The following OTUD7B variants were observed in gnomAD, a reference collection of about 807,000 sequenced individuals.
OTUD7B encodes OTU deubiquitinase 7B, also known as OTU domain-containing protein 7B.
In OTUD7B, 34 loss-of-function variants were observed where a neutral mutation model predicts 82.2. The ratio of observed to expected loss-of-function variants is 0.41; its 90% CI spans 0.31 to 0.55. The LOEUF is 0.55. OTUD7B is among the 20% of genes least tolerant of loss of function. The pLI, the probability that OTUD7B is intolerant of heterozygous loss-of-function variation, is 0.20. For missense variants in OTUD7B, 944 were observed against 1,062.1 expected (o/e 0.89, Z 1.55); for synonymous variants, 398 against 402.7 (o/e 0.99, Z 0.14).
the OTUD7B span, among the ~76,000 whole-genome samples, chr1:150,059,876 G>C: frequency 2.0e-5 from 3 of 152,082 alleles, no homozygotes; most frequent in Non-Finnish European, 4.4e-5. Context: ...AAAATATTCA[G>C]CTAAAAGTTG....
chr1:149,973,938 A>G (rs879996560), intron 2 of OTUD7B, among the ~76,000 whole-genome samples: 2 of 150,366 alleles, frequency 1.3e-5, no homozygotes, highest in African/African-American at 2.5e-5. Context: ...GCTCACTGCA[A>G]TCTCCACCTC....
the OTUD7B span, chr1:150,054,995 C>T: frequency 6.8e-6 from 2 of 293,036 alleles, no homozygotes; most frequent in African/African-American, 2.3e-5. Context: ...TCTGTGTTTG[C>T]CCCGACAAAT....
intron 1 of OTUD7B, among the ~76,000 whole-genome samples, chr1:149,987,998 C>A (rs182653192): frequency 2.0e-4 from 31 of 152,276 alleles, no homozygotes; most frequent in Admixed American, 1.7e-3. Context: ...CCACCTGTAC[C>A]TCTTACTACT....
intron 1 of OTUD7B, among the ~76,000 whole-genome samples, chr1:149,988,542 C>T (rs868943382): frequency 2.0e-5 from 3 of 152,116 alleles, no homozygotes; most frequent in East Asian, 3.9e-4. Context: ...CCTTAAATTA[C>T]AGTTATTTGG....
the OTUD7B span, among the ~76,000 whole-genome samples, chr1:150,019,174 C>T: frequency 3.3e-5 from 5 of 152,106 alleles, no homozygotes; most frequent in African/African-American, 1.2e-4. Context: ...ATATCTATTC[C>T]TTTCTCAATT....
At chr1:150,050,988 G>T in the OTUD7B span, among the ~76,000 whole-genome samples, 1 of 151,560 alleles carries the variant, frequency 6.6e-6, no homozygotes, top group Non-Finnish European at 1.5e-5. Context: ...CAGCACTTTG[G>T]GAGGCCAAGG....
At chr1:150,062,758 GC>G in the OTUD7B span, among the ~76,000 whole-genome samples, 1 of 135,286 alleles carries the variant, frequency 7.4e-6, no homozygotes, top group Non-Finnish European at 1.5e-5. Context: ...TGTTGCCCAG[GC>G]TGGACTGCAA....
chr1:149,995,718 C>T (rs782105493), intron 1 of OTUD7B, among the ~76,000 whole-genome samples: 1 of 152,178 alleles, frequency 6.6e-6, no homozygotes, highest in South Asian at 2.1e-4. Flanking sequence ...ATGCTTTCTA[C>T]GAGATAATGC....
chr1:150,008,532 T>C (rs1173552710), intron 1 of OTUD7B, among the ~76,000 whole-genome samples: 1 of 152,206 alleles, frequency 6.6e-6, no homozygotes, highest in East Asian at 1.9e-4. Context: ...AGTCAGTAGA[T>C]AGCCAGCTCT....
chr1:150,022,395 A>C, the OTUD7B span, among the ~76,000 whole-genome samples: 1,875 of 1,996 alleles, frequency 0.94, 930 homozygotes, highest in Middle Eastern at 1. Context: ...GAAACTCTCT[A>C]CAAAAAAAAA....
Position 149,975,900 on chromosome 1 carries a change from A to G in OTUD7B, c.85+1526T>C, listed in dbSNP as rs145234728. ...GCCGGGCATGGTGGCGCGCGTCTGT[A>G]GTCCCAGCTACTGGGGAGGCTGAGG... On this transcript the variant is annotated intron_variant, in intron 2 of 11. Coordinates refer to ENST00000581312, the MANE Select transcript of OTUD7B (RefSeq NM_020205.4). Among the ~76,000 whole-genome samples the G allele has an allele frequency of 9.2e-3, 1,399 of 152,134 alleles. 23 individuals are homozygous for G. The highest frequency in any genetic ancestry group is 0.032 in the African/African-American group (1,341 of 41,484).
At chr1:149,998,592 C>A (rs1335787456) in intron 1 of OTUD7B, among the ~76,000 whole-genome samples, 2 of 152,238 alleles carry the variant, frequency 1.3e-5, no homozygotes, top group East Asian at 1.9e-4. Flanking sequence ...TTTTCCCTAT[C>A]TATTCCCTTT....
chr1:149,996,382 A>AT (rs1559863096), intron 1 of OTUD7B, among the ~76,000 whole-genome samples: 101 of 656 alleles, frequency 0.15, no homozygotes, highest in Non-Finnish European at 0.27. Context: ...AACAACAACA[A>AT]CAAAAAAAAC....
At chr1:150,022,100 G>A in the OTUD7B span, among the ~76,000 whole-genome samples, 1 of 152,048 alleles carries the variant, frequency 6.6e-6, no homozygotes, top group Admixed American at 6.6e-5. Flanking sequence ...GTCAAATACT[G>A]TAAAATCTCA....
chr1:149,960,384 C>A (rs1553775407), intron 6 of OTUD7B, among the ~76,000 whole-genome samples: 2 of 29,412 alleles, frequency 6.8e-5, no homozygotes, highest in Non-Finnish European at 6.9e-5. Flanking sequence ...TTTTTCTTTT[C>A]TTTCCTTTTT....
At chr1:150,065,026 T>C in the OTUD7B span, among the ~76,000 whole-genome samples, 77 of 152,202 alleles carry the variant, frequency 5.1e-4, no homozygotes, top group African/African-American at 1.8e-3. Context: ...ATTTAGATAA[T>C]CATTCCTGAT....
chr1:150,034,677 C>T, the OTUD7B span, among the ~76,000 whole-genome samples: 4 of 152,150 alleles, frequency 2.6e-5, no homozygotes, highest in African/African-American at 9.6e-5. Flanking sequence ...ATCTAGAAAT[C>T]TGTTTTCTGA....
In OTUD7B at chr1:149,945,037, G is replaced by C. The variant is rs782602969; in HGVS notation, c.1352C>G (p.Thr451Ser). 1.9e-6 allele frequency: 3 copies of C among 1,613,944 alleles called. No individual in the cohort carries two copies. Among genetic ancestry groups the C allele is most frequent in the Admixed American group, 1.7e-5 (1 of 60,012 alleles). ...QAPLAQPESP[T>S]ASAGDEPRST... The stretch of plus-strand genomic sequence containing the variant: ...CCGGGGCTCATCTCCAGCTGAGGCG[G>C]TGGGGGACTCAGGCTGGGCCAGAGG... Residue 451 changes from threonine to serine, a missense_variant, in exon 12 of 12, where the codon ACC becomes AGC. This residue lies in a region of OTUD7B where 530 missense variants were observed against 625.6 expected (regional missense o/e 0.85). Coordinates refer to ENST00000581312, the MANE Select transcript of OTUD7B (RefSeq NM_020205.4).
the OTUD7B span, among the ~76,000 whole-genome samples, chr1:150,042,403 C>T: frequency 6.6e-6 from 1 of 151,810 alleles, no homozygotes. Context: ...GAGCTCCTGA[C>T]CTCAGGTGAT....
Sources: allele counts gnomAD v4.1 joint callset (sites outside exome capture counted in the v4.1 genomes callset), GRCh38; gene constraint gnomAD v4.1.1; regional missense constraint gnomAD v4.1.1; transcripts MANE v1.5; gene names NCBI Gene and HGNC (gene_info 2026-07-23, HGNC 2026-07-21).